The following GRM5 variants were observed in gnomAD, a reference collection of about 807,000 sequenced individuals.
GRM5 encodes the protein metabotropic glutamate receptor 5.
GRM5 carries 19 observed loss-of-function variants against 83.1 expected under a neutral mutation model. The observed-to-expected ratio is 0.23, with a 90% confidence interval of 0.16 to 0.34. GRM5 has a LOEUF of 0.34. Ranked by LOEUF, GRM5 falls within the 10% of genes least tolerant of loss-of-function variation. The pLI is 1.00. For missense variants in GRM5, 1,160 were observed against 1,588.3 expected (o/e 0.73, Z 4.58); for synonymous variants, 675 against 633.6 (o/e 1.07, Z -0.98).
At chr11:88,814,217 C>G (rs1943632057) in intron 3 of GRM5, among the ~76,000 whole-genome samples, 1 of 152,038 alleles carries the variant, frequency 6.6e-6, no homozygotes, top group African/African-American at 2.4e-5. Context: ...CAAGATGAAC[C>G]CTACAATTGC....
chr11:88,620,673 A>G (rs1938608967), intron 4 of GRM5, among the ~76,000 whole-genome samples: 1 of 152,274 alleles, frequency 6.6e-6, no homozygotes, highest in Admixed American at 6.5e-5. Flanking sequence ...ATAGTCTATG[A>G]AAAGGGTGGA....
chr11:88,764,887 AAG>A (rs1942598485), intron 3 of GRM5, among the ~76,000 whole-genome samples: 1 of 151,672 alleles, frequency 6.6e-6, no homozygotes. Context: ...AGAGACTAGA[AAG>A]ATTATAGAGA....
intron 9 of GRM5, among the ~76,000 whole-genome samples, chr11:88,513,415 A>C (rs1404486182): frequency 6.6e-6 from 1 of 152,224 alleles, no homozygotes; most frequent in Non-Finnish European, 1.5e-5. Flanking sequence ...TTTTAAAATA[A>C]TTCAGTGTTA....
At chr11:88,844,444 T>A (rs1158585822) in intron 3 of GRM5, among the ~76,000 whole-genome samples, 1 of 152,056 alleles carries the variant, frequency 6.6e-6, no homozygotes, top group African/African-American at 2.4e-5. Flanking sequence ...ATTGACAATG[T>A]GCCCGGCCAG....
chr11:88,781,350 C>T (rs1942972725), intron 3 of GRM5, among the ~76,000 whole-genome samples: 3 of 152,014 alleles, frequency 2.0e-5, no homozygotes, highest in Admixed American at 2.0e-4. Flanking sequence ...GAACTGGAAA[C>T]ACTACATAAA....
intron 2 of GRM5, among the ~76,000 whole-genome samples, chr11:89,040,395 T>C (rs2135140159): frequency 6.6e-6 from 1 of 151,676 alleles, no homozygotes; most frequent in Non-Finnish European, 1.5e-5. Context: ...TAAAAAGAGA[T>C]GAGGAAAAAT....
At chr11:88,615,229 G>A (rs982204609) in intron 4 of GRM5, among the ~76,000 whole-genome samples, 1 of 152,050 alleles carries the variant, frequency 6.6e-6, no homozygotes, top group Non-Finnish European at 1.5e-5. Context: ...ATCACCCAGA[G>A]ACCCAAGTGA....
At chr11:88,961,426 T>C (rs538945) in intron 2 of GRM5, among the ~76,000 whole-genome samples, 58,123 of 151,612 alleles carry the variant, frequency 0.38, 12,749 homozygotes, top group Non-Finnish European at 0.47. Context: ...CAGCCAAGAA[T>C]TGAGGCTGCC....
At chr11:88,569,813 A>T (rs1942948887) in intron 7 of GRM5, among the ~76,000 whole-genome samples, 1 of 152,202 alleles carries the variant, frequency 6.6e-6, no homozygotes, top group Non-Finnish European at 1.5e-5. Context: ...TGATATATGC[A>T]GGGAAAACAA....
chr11:89,041,397 A>C (rs1410027755), intron 2 of GRM5, among the ~76,000 whole-genome samples: 1 of 152,200 alleles, frequency 6.6e-6, no homozygotes, highest in Non-Finnish European at 1.5e-5. Context: ...TGATGACAGC[A>C]ATGGTGCCTA....
At chr11:89,048,488 A>C (rs1442785749) in intron 1 of GRM5, among the ~76,000 whole-genome samples, 2 of 152,210 alleles carry the variant, frequency 1.3e-5, no homozygotes, top group Non-Finnish European at 2.9e-5. Flanking sequence ...CTGTTGTTAA[A>C]TTTTCATTAG....
intron 2 of GRM5, among the ~76,000 whole-genome samples, chr11:88,994,319 C>T (rs1391147531): frequency 2.0e-5 from 3 of 151,672 alleles, no homozygotes; most frequent in African/African-American, 7.3e-5. Context: ...AAGCAATCTA[C>T]ACATTAAATG....
chr11:88,809,630 C>T (rs906235434), intron 3 of GRM5, among the ~76,000 whole-genome samples: 1 of 151,918 alleles, frequency 6.6e-6, no homozygotes, highest in African/African-American at 2.4e-5. Context: ...TAAACATACA[C>T]TTGGGCAATT....
intron 3 of GRM5, among the ~76,000 whole-genome samples, chr11:88,781,610 C>G (rs1942978624): frequency 6.6e-6 from 1 of 152,134 alleles, no homozygotes; most frequent in South Asian, 2.1e-4. Flanking sequence ...AAATGGTTCC[C>G]TGGTTGCATC....
chr11:88,848,724 A>T (rs1025740573), intron 3 of GRM5, among the ~76,000 whole-genome samples: 15 of 152,148 alleles, frequency 9.9e-5, no homozygotes, highest in African/African-American at 3.4e-4. Flanking sequence ...AGTTAATTTT[A>T]TGTGTCTAGT....
intron 3 of GRM5, among the ~76,000 whole-genome samples, chr11:88,795,880 T>G (rs1276124765): frequency 6.6e-6 from 1 of 152,170 alleles, no homozygotes; most frequent in African/African-American, 2.4e-5. Flanking sequence ...AGGAGAGCCC[T>G]GGAGAGACAT....
rs952467502 is a variant in GRM5 at position 88,504,745 on chromosome 11, T to C, written c.*3847A>G. The C allele has an allele frequency of 6.6e-6, 1 of 152,072 alleles. No individual in the cohort carries two copies. Among genetic ancestry groups the C allele is most frequent in the African/African-American group, 2.4e-5 (1 of 41,434 alleles). The allele number at this position is 152,072 out of a possible 1,614,324, so 9.4% of individuals were successfully genotyped here. ...ATGCTGATAAAAATGTTAAACTTTA[T>C]GAAAAAAAATCATTTGCAGTTCACA... is the stretch of plus-strand genomic sequence containing the variant. On this transcript the variant is annotated 3_prime_UTR_variant, in exon 10 of 10. Coordinates refer to ENST00000305447, the MANE Select transcript of GRM5 (RefSeq NM_001143831.3).
intron 5 of GRM5, among the ~76,000 whole-genome samples, chr11:88,602,226 ATG>A (rs929718132): frequency 2.0e-5 from 3 of 152,128 alleles, no homozygotes; most frequent in Admixed American, 6.5e-5. Flanking sequence ...AGAAATATTA[ATG>A]TGTTTATTAG....
At chr11:88,616,389 GTTTTTTTT>G (rs68153026) in intron 4 of GRM5, among the ~76,000 whole-genome samples, 11 of 95,770 alleles carry the variant, frequency 1.1e-4, no homozygotes, top group African/African-American at 3.4e-4. Flanking sequence ...GCTTTGGAGT[GTTTTTTTT>G]TTTTTTTTTT....
Sources: allele counts gnomAD v4.1 joint callset (sites outside exome capture counted in the v4.1 genomes callset), GRCh38; gene constraint gnomAD v4.1.1; transcripts MANE v1.5; gene names NCBI Gene and HGNC (gene_info 2026-07-23, HGNC 2026-07-21).